The following PTPRD variants were observed in gnomAD, a reference collection of about 807,000 sequenced individuals.
The protein encoded by PTPRD is receptor-type tyrosine-protein phosphatase delta.
Under a neutral mutation model 214.5 loss-of-function variants are expected in PTPRD, and 34 were observed. The ratio of observed to expected loss-of-function variants is 0.16; its 90% CI spans 0.12 to 0.21. PTPRD has a LOEUF of 0.21. Among genes scored for constraint, PTPRD ranks in the 10% least tolerant of loss-of-function variants. The pLI is 1.00. For synonymous variants in PTPRD, 1,128 were observed against 845.7 expected, an observed-to-expected ratio of 1.33 and a Z score of -5.79; for missense variants, 2,545 against 2,398.7, an observed-to-expected ratio of 1.06 and a Z score of -1.27.
intron 9 of PTPRD, among the ~76,000 whole-genome samples, chr9:9,191,616 T>C (rs1593245179): frequency 6.6e-6 from 1 of 152,134 alleles, no homozygotes; most frequent in Admixed American, 6.6e-5. Context: ...TAACATTATG[T>C]CAGAGATGCC....
At chr9:9,586,300 A>G (rs188641163) in intron 7 of PTPRD, among the ~76,000 whole-genome samples, 1 of 152,164 alleles carries the variant, frequency 6.6e-6, no homozygotes, top group African/African-American at 2.4e-5. Context: ...TCTACAACCA[A>G]AGAAGAGTAT....
intron 9 of PTPRD, among the ~76,000 whole-genome samples, chr9:9,314,536 T>C (rs1961414329): frequency 6.6e-6 from 1 of 152,108 alleles, no homozygotes; most frequent in African/African-American, 2.4e-5. Flanking sequence ...TGTTATCAAA[T>C]GAATATAGAG....
chr9:10,311,629 C>A (rs570759158), intron 3 of PTPRD, among the ~76,000 whole-genome samples: 1 of 151,944 alleles, frequency 6.6e-6, no homozygotes, highest in South Asian at 2.1e-4. Flanking sequence ...TTGTGAGAAC[C>A]AAATGAAAAT....
chr9:9,346,483 G>A (rs945132612), intron 9 of PTPRD, among the ~76,000 whole-genome samples: 4 of 152,068 alleles, frequency 2.6e-5, no homozygotes, highest in African/African-American at 4.8e-5. Flanking sequence ...ACGATTGTAA[G>A]TACTTATTTA....
intron 3 of PTPRD, among the ~76,000 whole-genome samples, chr9:10,312,558 T>C (rs147896580): frequency 0.025 from 3,793 of 152,082 alleles, 67 homozygotes; most frequent in Admixed American, 0.033. Context: ...AAAGAAAAGA[T>C]TTGCCTGCAT....
At chr9:8,719,678 T>C (rs776647592) in intron 12 of PTPRD, among the ~76,000 whole-genome samples, 1 of 151,148 alleles carries the variant, frequency 6.6e-6, no homozygotes, top group Non-Finnish European at 1.5e-5. Flanking sequence ...AGTGGCAGAG[T>C]TGAATAGCTG....
chr9:10,316,350 TAAC>T (rs2096432449), intron 3 of PTPRD, among the ~76,000 whole-genome samples: 1 of 151,818 alleles, frequency 6.6e-6, no homozygotes, highest in South Asian at 2.1e-4. Context: ...TTAGTTATAG[TAAC>T]AGAAGACACC....
chr9:8,370,339 T>A (rs527694801), intron 39 of PTPRD, among the ~76,000 whole-genome samples: 7 of 152,064 alleles, frequency 4.6e-5, no homozygotes, highest in Admixed American at 2.6e-4. Flanking sequence ...GTCTCTGCAA[T>A]ACGAAGAGTA....
At chr9:9,068,010 C>G (rs1475345454) in intron 10 of PTPRD, among the ~76,000 whole-genome samples, 1 of 152,220 alleles carries the variant, frequency 6.6e-6, no homozygotes, top group Non-Finnish European at 1.5e-5. Context: ...AGTTCCTAAT[C>G]TCTGGCAACA....
At chr9:10,352,829 G>C (rs1223515960) in intron 2 of PTPRD, among the ~76,000 whole-genome samples, 1 of 151,900 alleles carries the variant, frequency 6.6e-6, no homozygotes, top group East Asian at 1.9e-4. Flanking sequence ...TTTTATGCAG[G>C]ATTTTATCTA....
chr9:10,169,236 A>T (rs2099182873), intron 3 of PTPRD, among the ~76,000 whole-genome samples: 1 of 152,058 alleles, frequency 6.6e-6, no homozygotes, highest in South Asian at 2.1e-4. Context: ...GCACTTTGGG[A>T]GGCCGAGGCA....
chr9:8,320,064 C>T (rs572255474), intron 44 of PTPRD, 98 bp from the exon 45 acceptor site: 32 of 1,425,424 alleles, frequency 2.2e-5, no homozygotes, highest in Middle Eastern at 2.2e-4. Flanking sequence ...TTCCACACTC[C>T]GTATCTCTTT....
intron 2 of PTPRD, among the ~76,000 whole-genome samples, chr9:10,502,745 T>C (rs2044204575): frequency 6.6e-6 from 1 of 152,076 alleles, no homozygotes; most frequent in East Asian, 1.9e-4. Flanking sequence ...TACTGTTGCA[T>C]GTAGTTATCT....
At chr9:10,019,680 A>G (rs955593291) in intron 4 of PTPRD, among the ~76,000 whole-genome samples, 1 of 152,064 alleles carries the variant, frequency 6.6e-6, no homozygotes, top group Non-Finnish European at 1.5e-5. Flanking sequence ...CGCAAGGACA[A>G]AAAACTAAAC....
intron 9 of PTPRD, among the ~76,000 whole-genome samples, chr9:9,270,346 C>G (rs1273595290): frequency 2.6e-5 from 4 of 151,150 alleles, no homozygotes; most frequent in African/African-American, 9.7e-5. Flanking sequence ...AATATTTAGA[C>G]AAGAATGTAG....
intron 2 of PTPRD, among the ~76,000 whole-genome samples, chr9:10,515,437 G>C (rs549049049): frequency 2.6e-5 from 4 of 151,890 alleles, no homozygotes; most frequent in Non-Finnish European, 4.4e-5. Flanking sequence ...ATACACTATT[G>C]CTAGCTTGAA....
intron 7 of PTPRD, among the ~76,000 whole-genome samples, chr9:9,647,980 C>A (rs1427561207): frequency 6.6e-6 from 1 of 152,136 alleles, no homozygotes. Context: ...ATCTACTTTA[C>A]AATAATTTTT....
intron 6 of PTPRD, among the ~76,000 whole-genome samples, chr9:9,762,771 C>T (rs1471543338): frequency 6.6e-6 from 1 of 152,196 alleles, no homozygotes; most frequent in African/African-American, 2.4e-5. Context: ...GAAGACACTT[C>T]CAGATTTTTT....
intron 12 of PTPRD, among the ~76,000 whole-genome samples, chr9:8,646,236 C>T (rs946713909): frequency 6.6e-6 from 1 of 152,226 alleles, no homozygotes; most frequent in African/African-American, 2.4e-5. Flanking sequence ...GTCACTCTCA[C>T]TTCAGGTGCT....
Sources: gnomAD v4.1 joint callset for allele counts (sites outside exome capture counted in the v4.1 genomes callset) on GRCh38, gnomAD v4.1.1 for gene constraint, MANE v1.5 for transcripts, NCBI Gene and HGNC (gene_info 2026-07-23, HGNC 2026-07-21) for gene names.